The following SCMH1 variants were observed in gnomAD, a reference collection of about 807,000 sequenced individuals.
SCMH1 encodes the protein polycomb protein SCMH1.
Under a neutral mutation model 70.8 loss-of-function variants are expected in SCMH1, and 37 were observed. The observed-to-expected ratio is 0.52, with a 90% CI of 0.40 to 0.69. The LOEUF (loss-of-function observed/expected upper bound fraction) is 0.69, where lower values mean the gene tolerates loss of function less well. Among genes scored for constraint, SCMH1 ranks in the 30% least tolerant of loss-of-function variants. The probability of loss-of-function intolerance (pLI) is 0.00; values close to 1 mark genes in which losing one functional copy is unlikely to be tolerated. For missense variants in SCMH1, 607 were observed against 827.3 expected (o/e 0.73, Z 3.27); for synonymous variants, 292 against 307.4 (o/e 0.95, Z 0.52).
intron 12 of SCMH1, among the ~76,000 whole-genome samples, chr1:41,042,666 A>G (rs969850648): frequency 4.7e-4 from 71 of 151,846 alleles, no homozygotes; most frequent in Admixed American, 4.6e-3. Flanking sequence ...TTCTTTTACC[A>G]TACTCCTTGC....
At chr1:41,209,201 A>G (rs1048387655) in intron 1 of SCMH1, among the ~76,000 whole-genome samples, 1 of 152,192 alleles carries the variant, frequency 6.6e-6, no homozygotes, top group Non-Finnish European at 1.5e-5. Flanking sequence ...CAATAACAGG[A>G]TCTGAAATTG....
intron 7 of SCMH1, 31 bp downstream of exon 7, chr1:41,116,891 T>C: frequency 6.4e-7 from 1 of 1,561,454 alleles, no homozygotes; most frequent in Non-Finnish European, 8.7e-7. Flanking sequence ...TTAAGCAGCC[T>C]GGAGCTGGTG....
At chr1:41,178,462 C>T (rs1572866080) in intron 2 of SCMH1, among the ~76,000 whole-genome samples, 1 of 152,150 alleles carries the variant, frequency 6.6e-6, no homozygotes, top group South Asian at 2.1e-4. Context: ...TAGTCAAGAC[C>T]CATCAGTGTG....
chr1:41,176,194 A>G (rs1185593991), intron 2 of SCMH1, among the ~76,000 whole-genome samples: 51 of 151,220 alleles, frequency 3.4e-4, no homozygotes, highest in Admixed American at 2.2e-3. Flanking sequence ...AAAAACAAAA[A>G]AAAAACAAAA....
chr1:41,152,563 G>T, intron 4 of SCMH1: 2 of 1,608,838 alleles, frequency 1.2e-6, no homozygotes, highest in African/African-American at 1.3e-5. Flanking sequence ...TTTATTTAAA[G>T]GTTAAACCAA....
At chr1:41,092,598 G>C (rs958816794) in intron 8 of SCMH1, among the ~76,000 whole-genome samples, 5 of 152,044 alleles carry the variant, frequency 3.3e-5, no homozygotes, top group Admixed American at 3.3e-4. Flanking sequence ...CTACAAAATG[G>C]GAGAAAATTT....
At chr1:41,211,227 G>C (rs1384492949) in intron 1 of SCMH1, among the ~76,000 whole-genome samples, 4 of 152,180 alleles carry the variant, frequency 2.6e-5, no homozygotes, top group Admixed American at 2.6e-4. Flanking sequence ...GAGTGAACAA[G>C]CAATCTACAG....
At chr1:41,107,593 C>T (rs1183767291) in intron 8 of SCMH1, among the ~76,000 whole-genome samples, 1 of 152,048 alleles carries the variant, frequency 6.6e-6, no homozygotes, top group African/African-American at 2.4e-5. Context: ...GATCTTGGCT[C>T]ACTGCAACCT....
chr1:41,201,993 C>A (rs537469669), intron 1 of SCMH1, among the ~76,000 whole-genome samples: 7 of 152,256 alleles, frequency 4.6e-5, no homozygotes, highest in African/African-American at 1.7e-4. Flanking sequence ...AGAAAAATAA[C>A]ACATGTCCAG....
chr1:41,213,312 A>G (rs182908743), intron 1 of SCMH1, among the ~76,000 whole-genome samples: 1 of 152,196 alleles, frequency 6.6e-6, no homozygotes, highest in East Asian at 1.9e-4. Flanking sequence ...GCTTGTGGCT[A>G]TAATGTTTTT....
At chr1:41,139,557 C>G (rs1038834843) in intron 6 of SCMH1, among the ~76,000 whole-genome samples, 1 of 152,124 alleles carries the variant, frequency 6.6e-6, no homozygotes, top group Non-Finnish European at 1.5e-5. Context: ...AATAGCCTCT[C>G]AAATGCTTCT....
At chr1:41,071,828 T>C (rs1485970870) in intron 9 of SCMH1, among the ~76,000 whole-genome samples, 1 of 152,000 alleles carries the variant, frequency 6.6e-6, no homozygotes, top group Non-Finnish European at 1.5e-5. Context: ...ACACATGGCT[T>C]ACTTTTAAAT....
chr1:41,117,652 G>A (rs1670854872), intron 6 of SCMH1, among the ~76,000 whole-genome samples: 2 of 152,178 alleles, frequency 1.3e-5, no homozygotes, highest in African/African-American at 4.8e-5. Context: ...TCGCCTTCAT[G>A]TTCCATCCTG....
chr1:41,148,867 T>A (rs537480599), intron 5 of SCMH1, among the ~76,000 whole-genome samples: 1 of 152,314 alleles, frequency 6.6e-6, no homozygotes, highest in South Asian at 2.1e-4. Context: ...CTCAGCTCAC[T>A]GCAAGCTCCG....
chr1:41,112,297 CAACAGAGGTTTAG>C (rs1327101722), intron 8 of SCMH1, among the ~76,000 whole-genome samples: 2 of 152,118 alleles, frequency 1.3e-5, no homozygotes, highest in East Asian at 3.9e-4. Context: ...TGAATGAATT[CAACAGAGGTTTAG>C]AAAAAGATCC....
intron 8 of SCMH1, among the ~76,000 whole-genome samples, chr1:41,088,520 T>C (rs189358124): frequency 3.0e-4 from 46 of 152,310 alleles, no homozygotes; most frequent in Admixed American, 2.9e-3. Flanking sequence ...TAGCCTGGTG[T>C]GCAGTGGCTC....
chr1:41,039,925 T>C (rs1645880909), intron 12 of SCMH1, among the ~76,000 whole-genome samples: 1 of 149,718 alleles, frequency 6.7e-6, no homozygotes. Context: ...ACAAATTTTA[T>C]ATATAATTTT....
intron 6 of SCMH1, among the ~76,000 whole-genome samples, chr1:41,139,728 A>AT (rs1312734145): frequency 1.3e-5 from 2 of 152,174 alleles, no homozygotes; most frequent in African/African-American, 4.8e-5. Flanking sequence ...ACATGCCTAA[A>AT]TTTTTTATAA....
chr1:41,206,380 C>T (rs1456575199), intron 1 of SCMH1, among the ~76,000 whole-genome samples: 7 of 152,116 alleles, frequency 4.6e-5, no homozygotes, highest in African/African-American at 9.7e-5. Context: ...AACCATGGCA[C>T]GAGAACTTCA....
Sources: allele counts gnomAD v4.1 joint callset (sites outside exome capture counted in the v4.1 genomes callset), GRCh38; gene constraint gnomAD v4.1.1; transcripts MANE v1.5; gene names NCBI Gene and HGNC (gene_info 2026-07-23, HGNC 2026-07-21).